PPP2R2C: variants seen among roughly 807,000 people sequenced by gnomAD.
PPP2R2C encodes the protein protein phosphatase 2, regulatory subunit B, gamma.
PPP2R2C carries 10 observed loss-of-function variants against 45.3 expected under a neutral mutation model. That is an observed-to-expected ratio of 0.22 (90% CI 0.14 to 0.37). PPP2R2C has a LOEUF of 0.37. Ranked by LOEUF, PPP2R2C falls within the 10% of genes least tolerant of loss-of-function variation. PPP2R2C has a pLI of 1.00. For synonymous variants in PPP2R2C, 257 were observed against 245.4 expected (o/e 1.05, Z -0.44); for missense variants, 308 against 619.7 (o/e 0.50, Z 5.34).
In PPP2R2C at chr4:6,392,371, C is replaced by T. The variant is rs184522715; in HGVS notation, c.71-11277G>A. ...ACAGCCAATAAGCAAATTTTCATGT[C>T]AATAAATAGCTCTTGGAGGGAGATA... On this transcript the variant is annotated intron_variant, in intron 1 of 8. Coordinates refer to ENST00000382599, the MANE Select transcript of PPP2R2C (RefSeq NM_020416.4). Among the ~76,000 whole-genome samples, 415 of 133,788 alleles carry T rather than the reference C, an allele frequency of 3.1e-3. 1 individual carries two copies. The highest frequency in any genetic ancestry group is 5.6e-3 in the Non-Finnish European group (358 of 63,978). The allele number at this position is 133,788 out of a possible 152,430, so 87.8% of individuals were successfully genotyped here.
intron 2 of PPP2R2C, among the ~76,000 whole-genome samples, chr4:6,498,572 C>T (rs972312529): frequency 3.9e-5 from 6 of 152,004 alleles, no homozygotes; most frequent in African/African-American, 1.2e-4. Context: ...TTGGGTGTGC[C>T]GTGAATACTA....
At chr4:6,512,458 G>C (rs865809449) in intron 2 of PPP2R2C, among the ~76,000 whole-genome samples, 233 of 53,940 alleles carry the variant, frequency 4.3e-3, no homozygotes, top group Admixed American at 7.3e-3. Context: ...GGTGGTGGTG[G>C]TGGTGATTAT....
At chr4:6,517,672 C>G (rs181839647) in intron 2 of PPP2R2C, among the ~76,000 whole-genome samples, 2 of 152,320 alleles carry the variant, frequency 1.3e-5, no homozygotes, top group African/African-American at 4.8e-5. Context: ...TACAGAAATG[C>G]ATCCCCTCCC....
intron 1 of PPP2R2C, among the ~76,000 whole-genome samples, chr4:6,436,584 C>T (rs777256894): frequency 2.0e-5 from 3 of 152,210 alleles, no homozygotes; most frequent in East Asian, 1.9e-4. Flanking sequence ...CTGAGCCAGG[C>T]GTCAAACCCT....
intron 5 of PPP2R2C, among the ~76,000 whole-genome samples, chr4:6,358,073 T>C (rs1713376778): frequency 6.6e-6 from 1 of 152,180 alleles, no homozygotes. Context: ...TCACGCTACC[T>C]GACTTCAAAC....
At position 6,351,810 on chromosome 4, in the gene PPP2R2C, C is replaced by G. The variant is rs558721977; in HGVS notation, c.626-3800G>C. ...CAGAACCTCTGGGCAGCACAGCACCCTTCACGGTGTGGGCACCGGGCTGGG... is the reference window on the plus strand; with the variant it reads ...CAGAACCTCTGGGCAGCACAGCACCGTTCACGGTGTGGGCACCGGGCTGGG... On this transcript the variant is annotated intron_variant, in intron 5 of 8. Transcript: ENST00000382599. 5.3e-5 allele frequency among the ~76,000 whole-genome samples: 8 copies of G among 152,300 alleles called. No individual in the cohort carries two copies. In the East Asian group the frequency reaches 1.4e-3, roughly 26 times the overall value.
At position 6,443,885 on chromosome 4, in the gene PPP2R2C, C is replaced by T. The variant is rs1011375058; in HGVS notation, c.70+28275G>A. Among the ~76,000 whole-genome samples the T allele has an allele frequency of 7.9e-5, 12 of 152,026 alleles. No homozygotes were observed. The East Asian group carries it at 1.5e-3, about 20-fold the overall frequency. On this transcript the variant is annotated intron_variant, in intron 1 of 8. Coordinates refer to ENST00000382599, the MANE Select transcript of PPP2R2C (RefSeq NM_020416.4). ...CCACACAGCCTCTCAGGTGCAGCAACGAAGCAAGTGCTAGGCAGCTCCAAC... is the reference window on the plus strand; with the variant it reads ...CCACACAGCCTCTCAGGTGCAGCAATGAAGCAAGTGCTAGGCAGCTCCAAC...
rs1484444675 is a variant in PPP2R2C, at chr4:6,382,288, C to T, written c.71-1194G>A. ...CCTCTGTCGTTCTTTGCTCTCCTGG[C>T]CTGGATTCTGTAGTCTCCAAAATCT... On this transcript the variant is annotated intron_variant, in intron 1 of 8. Coordinates refer to ENST00000382599, the MANE Select transcript of PPP2R2C (RefSeq NM_020416.4). 1.4e-5 allele frequency: 18 copies of T among 1,267,266 alleles called. No homozygotes were observed. In the African/African-American group the frequency reaches 2.3e-4, roughly 16 times the overall value. The allele number at this position is 1,267,266 out of a possible 1,614,324, so 78.5% of individuals were successfully genotyped here.
chr4:6,549,041 C>T (rs995663168), intron 1 of PPP2R2C, among the ~76,000 whole-genome samples: 14 of 152,214 alleles, frequency 9.2e-5, no homozygotes, highest in South Asian at 6.2e-4. Context: ...GTTCCTCCCA[C>T]GTGCAAGGTG....
chr4:6,361,155 G>A (rs757057460), intron 5 of PPP2R2C, among the ~76,000 whole-genome samples: 20 of 152,240 alleles, frequency 1.3e-4, no homozygotes, highest in Non-Finnish European at 2.6e-4. Flanking sequence ...TTCTCCACTC[G>A]GAACACCTTA....
At chr4:6,466,164 T>G (rs960673399) in intron 1 of PPP2R2C, among the ~76,000 whole-genome samples, 2 of 152,190 alleles carry the variant, frequency 1.3e-5, no homozygotes, top group Non-Finnish European at 2.9e-5. Context: ...CCACTGTGCA[T>G]GGGGCTCAGA....
intron 1 of PPP2R2C, chr4:6,383,036 C>T: frequency 9.2e-7 from 1 of 1,081,166 alleles, no homozygotes; most frequent in Non-Finnish European, 1.1e-6. Context: ...CTGTTCTCTG[C>T]CCCCCACCTT....
intron 1 of PPP2R2C, among the ~76,000 whole-genome samples, chr4:6,429,606 A>G (rs1017771749): frequency 6.6e-6 from 1 of 152,208 alleles, no homozygotes; most frequent in African/African-American, 2.4e-5. Context: ...TGCTGGGTTA[A>G]GCAGCATCTA....
intron 2 of PPP2R2C, among the ~76,000 whole-genome samples, chr4:6,511,580 TGGTGGTGGTGGTGGTGATGGG>T (rs1723506675): frequency 2.8e-5 from 2 of 70,854 alleles, no homozygotes; most frequent in Admixed American, 1.5e-4. Context: ...GTGATGGCGG[TGGTGGTGGTGGTGGTGATGGG>T]GGTGGTGGTG....
At chr4:6,361,627 G>GA (rs1455780609) in intron 5 of PPP2R2C, among the ~76,000 whole-genome samples, 2 of 152,218 alleles carry the variant, frequency 1.3e-5, no homozygotes, top group Non-Finnish European at 2.9e-5. Context: ...CTCCCTCTGG[G>GA]AAAAAAGCAT....
intron 1 of PPP2R2C, among the ~76,000 whole-genome samples, chr4:6,400,345 T>C (rs1002328233): frequency 7.9e-5 from 11 of 138,566 alleles, no homozygotes; most frequent in East Asian, 3.9e-4. Flanking sequence ...AACACAGTTA[T>C]TTTCCAAAAA....
At position 6,471,061 on chromosome 4, in the gene PPP2R2C, A is replaced by G. The variant is rs1457572296; in HGVS notation, c.70+1099T>C. On this transcript the variant is annotated intron_variant, in intron 1 of 8. Transcript: ENST00000382599. This position sits in a 1 kb window ranked among gnomAD's most constrained non-coding sequence, Gnocchi z 5.6. ...GCTTCGAGGAGGCGGACCCAGCCGC[A>G]GGAGCCCGGTCTCCGCCGCCTGGCC... is the stretch of plus-strand genomic sequence containing the variant. Among the ~76,000 whole-genome samples the G allele has an allele frequency of 6.6e-6, 1 of 152,100 alleles. No individual in the cohort carries two copies. Among genetic ancestry groups the G allele is most frequent in the East Asian group, 1.9e-4 (1 of 5,158 alleles).
At chr4:6,544,055 C>T (rs1364843898) in intron 1 of PPP2R2C, among the ~76,000 whole-genome samples, 1 of 152,120 alleles carries the variant, frequency 6.6e-6, no homozygotes, top group African/African-American at 2.4e-5. Context: ...CCCAGTGTCC[C>T]CTACCCCAAC....
At chr4:6,537,091 T>C (rs973565565) in intron 1 of PPP2R2C, among the ~76,000 whole-genome samples, 2 of 152,008 alleles carry the variant, frequency 1.3e-5, no homozygotes, top group African/African-American at 4.8e-5. Context: ...TAGTCCCAGC[T>C]ACTCGGGAGG....
Sources: gnomAD v4.1 joint callset for allele counts (sites outside exome capture counted in the v4.1 genomes callset) on GRCh38, gnomAD v4.1.1 for gene constraint, Gnocchi (gnomAD v3.1) non-coding constraint, MANE v1.5 for transcripts, NCBI Gene and HGNC (gene_info 2026-07-23, HGNC 2026-07-21) for gene names.